KDM6B: variants seen among roughly 807,000 people sequenced by gnomAD.
The protein encoded by KDM6B is lysine demethylase 6B.
In KDM6B, 22 loss-of-function variants were observed where a neutral mutation model predicts 150.4. That is an observed-to-expected ratio of 0.15 (90% CI 0.10 to 0.21). KDM6B has a LOEUF of 0.21. Among genes scored for constraint, KDM6B ranks in the 10% least tolerant of loss-of-function variants. The probability of loss-of-function intolerance (pLI) is 1.00; values close to 1 mark genes in which losing one functional copy is unlikely to be tolerated. For synonymous variants in KDM6B, 1,148 were observed against 921.1 expected, an observed-to-expected ratio of 1.25 and a Z score of -4.46; for missense variants, 1,984 against 2,234.3, an observed-to-expected ratio of 0.89 and a Z score of 2.26.
Position 7,849,532 on chromosome 17 carries a change from C to A in KDM6B, c.3244C>A (p.Pro1082Thr), listed in dbSNP as rs1274621230. Residue 1082 changes from proline (P) to threonine (T), a missense_variant, in exon 12 of 24, where the codon CCG becomes ACG. Around this residue, in one of 13 missense-constraint regions of KDM6B, gnomAD observed 1,379 missense variants for 1,275.6 expected, o/e 1.08. Transcript: ENST00000448097. ...GGCTCGGGAGGAAGCCCCAGGGCCA[C>A]CGGGTGTCAGCCGGGCCGACATGCT... Reference protein sequence around the residue: ...KKAREEAPGPPGVSRADMLKL... With the variant: ...KKAREEAPGPTGVSRADMLKL... The A allele has an allele frequency of 6.2e-7, 1 of 1,612,748 alleles. No homozygotes were observed. The highest frequency in any genetic ancestry group is 1.1e-5 in the South Asian group (1 of 91,076).
In KDM6B at chr17:7,848,539, GTCACCA is replaced by G; in HGVS notation, c.2252_2257del (p.Val751_Thr753delinsAla). The G allele has an allele frequency of 6.3e-7, 1 of 1,589,512 alleles. No individual in the cohort carries two copies. The highest frequency in any genetic ancestry group is 8.5e-7 in the Non-Finnish European group (1 of 1,173,166). On this transcript the variant is annotated inframe_deletion, in exon 12 of 24. Transcript: ENST00000448097. ...CACCACTACTGCTCCTGCTGTCGCC[GTCACCA>G]CCACCACCACCACCACCACCACCAC...
chr17:7,848,169 C>T lies in KDM6B; in HGVS notation c.1881C>T (p.Ser627=), dbSNP rs200709343. The change falls in exon 12 of 24, where the codon AGC becomes AGT. Residue 627 remains serine, a synonymous_variant. Coordinates refer to ENST00000448097, the MANE Select transcript of KDM6B (RefSeq NM_001348716.2). ...NTSGSFRRPE[S]PRPRVSFPKT... ...CAGGAAGCTTCAGGCGCCCGGAGAG[C>T]CCCCGGCCCAGGGTCTCCTTCCCAA... is the stretch of plus-strand genomic sequence containing the variant. 2 of 1,612,516 alleles carry T rather than the reference C, an allele frequency of 1.2e-6. No homozygotes were observed. The highest frequency in any genetic ancestry group is 1.1e-5 in the South Asian group (1 of 91,070).
intron 5 of KDM6B, 29 bp from the exon 6 acceptor site, chr17:7,845,843 C>T (rs200419116): frequency 1.1e-4 from 169 of 1,603,300 alleles, no homozygotes; most frequent in Admixed American, 9.2e-4. Context: ...TCCTTTTTGC[C>T]GTATATAACA....
intron 1 of KDM6B, among the ~76,000 whole-genome samples, chr17:7,836,281 C>T (rs1159476230): frequency 6.6e-6 from 1 of 152,224 alleles, no homozygotes; most frequent in East Asian, 1.9e-4. Context: ...TCGTTCGCCC[C>T]GGCGTTCTTT....
chr17:7,835,198 G>T (rs1334980376), intron 1 of KDM6B, among the ~76,000 whole-genome samples: 1 of 152,130 alleles, frequency 6.6e-6, no homozygotes, highest in Non-Finnish European at 1.5e-5. Flanking sequence ...AGGGGGCTGG[G>T]GACTCAATCT....
intron 1 of KDM6B, among the ~76,000 whole-genome samples, chr17:7,837,470 AT>A (rs1481611801): frequency 6.6e-6 from 1 of 152,164 alleles, no homozygotes; most frequent in African/African-American, 2.4e-5. Flanking sequence ...GACTCAGTTG[AT>A]TGCTATGGTT....
Position 7,846,084 on chromosome 17 carries a change from C to T in KDM6B, c.243C>T (p.Pro81=). The T allele has an allele frequency of 1.2e-6, 2 of 1,609,978 alleles. No homozygotes were observed. The highest frequency in any genetic ancestry group is 1.1e-5 in the South Asian group (1 of 90,462). Residue 81 remains proline, a synonymous_variant, in exon 7 of 24, where the codon CCC becomes CCT. Transcript: ENST00000448097. ...PSKPYYAPGA[P]TPRPLHGKLE... ...CACCCCTTCTGCTCTGTAGGGCGCC[C>T]ACTCCAAGACCCCTCCATGGGAAGC...
chr17:7,848,985 C>A lies in KDM6B; in HGVS notation c.2697C>A (p.Pro899=), dbSNP rs956802080. 1.3e-6 allele frequency: 2 copies of A among 1,579,886 alleles called. No homozygotes were observed. The highest frequency in any genetic ancestry group is 1.3e-5 in the African/African-American group (1 of 74,328). The part of the protein sequence containing the change: ...VPGPMTPTQP[P]PPLSLPPARS... ...GCCCCATGACCCCCACCCAACCGCC[C>A]CCACCCCTATCTCTGCCCCCTGCTC... Residue 899 remains proline (P), a synonymous_variant, in exon 12 of 24, where the codon CCC becomes CCA. Transcript: ENST00000448097.
Position 7,848,986 on chromosome 17 carries a change from C to G in KDM6B, c.2698C>G (p.Pro900Ala), listed in dbSNP as rs1294265101. ...PGPMTPTQPP[P>A]PLSLPPARSE... ...CCCCATGACCCCCACCCAACCGCCC[C>G]CACCCCTATCTCTGCCCCCTGCTCG... The change falls in exon 12 of 24, where the codon CCA becomes GCA. Residue 900 changes from proline (P) to alanine (A), a missense_variant. Pro to Ala is a conservative substitution (Grantham distance 27). Transcript: ENST00000448097. 1 of 1,580,502 alleles carries G rather than the reference C, an allele frequency of 6.3e-7. No homozygotes were observed. The highest frequency in any genetic ancestry group is 8.6e-7 in the Non-Finnish European group (1 of 1,161,986).
Position 7,853,194 on chromosome 17 carries a change from G to A in KDM6B, c.4738-16G>A. ...GGCCCTCCCTCCCCCTGACTGCACT[G>A]TCCTCCCTGCCCCAGGTGGAGGTGT... On this transcript the variant is annotated splice_polypyrimidine_tract_variant and intron_variant, in intron 22 of 23. Coordinates refer to ENST00000448097, the MANE Select transcript of KDM6B (RefSeq NM_001348716.2). 1.2e-6 allele frequency: 2 copies of A among 1,613,624 alleles called. No homozygotes were observed. The highest frequency in any genetic ancestry group is 1.7e-6 in the Non-Finnish European group (2 of 1,179,852).
rs1226192117 is a variant in KDM6B, at chr17:7,842,224, C to CG, written c.-269+2206dup. On this transcript the variant is annotated intron_variant, in intron 2 of 23. Transcript: ENST00000448097. Reference sequence around the variant, plus strand: ...TTCTCTCTTGGGGCTCCAGCGGGGGCGGGGGGTAGGGGGTCGGTTAAAGTC... The same window carrying CG: ...TTCTCTCTTGGGGCTCCAGCGGGGGCGGGGGGGTAGGGGGTCGGTTAAAGTC... Among the ~76,000 whole-genome samples, 11 of 136,942 alleles carry CG rather than the reference C, an allele frequency of 8.0e-5. No homozygotes were observed. In the South Asian group the frequency reaches 1.8e-3, roughly 22 times the overall value. 89.8% of individuals were successfully genotyped at this position (136,942 alleles called of 152,430 possible).
chr17:7,846,212 A>G lies in KDM6B; in HGVS notation c.371A>G (p.Glu124Gly), dbSNP rs776912991. ...GQLYESEHDS[E>G]EATRCYHSAL... ...CTGTACGAGTCAGAGCACGATAGTGAGGAGGCCACACGCTGCTACCACAGC... is the reference window on the plus strand; with the variant it reads ...CTGTACGAGTCAGAGCACGATAGTGGGGAGGCCACACGCTGCTACCACAGC... Residue 124 changes from glutamate (E) to glycine (G), a missense_variant, in exon 7 of 24, where the codon GAG (glutamate) becomes GGG (glycine). Physicochemically the swap from Glu to Gly is moderately conservative, Grantham distance 98. This residue lies in a region of KDM6B where 337 missense variants were observed against 323.9 expected (regional missense o/e 1.04). Transcript: ENST00000448097. 2 of 1,614,146 alleles carry G rather than the reference A, an allele frequency of 1.2e-6. No homozygotes were observed. The highest frequency in any genetic ancestry group is 3.3e-5 in the Admixed American group (2 of 60,028).
intron 1 of KDM6B, among the ~76,000 whole-genome samples, chr17:7,836,440 G>A (rs897330794): frequency 2.6e-5 from 4 of 152,220 alleles, no homozygotes; most frequent in Non-Finnish European, 4.4e-5. Context: ...GGGCGGGAGA[G>A]TTGGGGACCC....
At chr17:7,836,482 A>G (rs1368400862) in intron 1 of KDM6B, among the ~76,000 whole-genome samples, 2 of 152,146 alleles carry the variant, frequency 1.3e-5, no homozygotes, top group Non-Finnish European at 1.5e-5. Flanking sequence ...CGGCTGGGGC[A>G]CGGGGGATCC....
At chr17:7,852,392 G>C in intron 20 of KDM6B, 56 bp downstream of exon 20, 1 of 1,578,378 alleles carries the variant, frequency 6.3e-7, no homozygotes, top group Non-Finnish European at 8.6e-7. Flanking sequence ...CAAGGGCCTG[G>C]GAGGCTGGGG....
In KDM6B at chr17:7,853,559, C is replaced by A; in HGVS notation, c.*38C>A. 1 of 1,384,792 alleles carries A rather than the reference C, an allele frequency of 7.2e-7. No homozygotes were observed. The highest frequency in any genetic ancestry group is 9.4e-7 in the Non-Finnish European group (1 of 1,067,732). 85.8% of individuals were successfully genotyped at this position (1,384,792 alleles called of 1,614,324 possible). A position where few individuals can be genotyped will look rare whatever the true frequency, so the allele number is the denominator to read the frequency against. ...CGCCCGCCTGCCTGCCCGCGCAAGG[C>A]GCCGCGGGGCCACCAGCACATGCCT... On this transcript the variant is annotated 3_prime_UTR_variant, in exon 24 of 24. Transcript: ENST00000448097.
intron 2 of KDM6B, among the ~76,000 whole-genome samples, chr17:7,842,538 A>C (rs2078438867): frequency 6.6e-6 from 1 of 152,026 alleles, no homozygotes; most frequent in Non-Finnish European, 1.5e-5. Context: ...AGACACCGGG[A>C]GTCAGGGAGG....
Position 7,845,362 on chromosome 17 carries a change from C to T in KDM6B, c.-100C>T. On this transcript the variant is annotated 5_prime_UTR_variant, in exon 4 of 24. Transcript: ENST00000448097. ...CAGCCATCTGGGGGTAGCGGGCACT[C>T]TTATCAGAGCGGCTGGAGCCGGACC... The T allele has an allele frequency of 8.4e-6, 6 of 712,944 alleles. No individual in the cohort carries two copies. Among genetic ancestry groups the T allele is most frequent in the Non-Finnish European group, 5.0e-6 (2 of 398,442 alleles). The allele number at this position is 712,944 out of a possible 1,614,324, so 44.2% of individuals were successfully genotyped here.
chr17:7,846,377 G>GGGGCCCCCCCCCCCCCCCC, intron 7 of KDM6B, 23 bp from the exon 8 acceptor site: 1 of 1,479,468 alleles, frequency 6.8e-7, no homozygotes, highest in Non-Finnish European at 9.1e-7. Context: ...ATCTGCCCCT[G>GGGGCCCCCCCCCCCCCCCC]CCCCGTGTCC....
Sources: allele counts gnomAD v4.1 joint callset (sites outside exome capture counted in the v4.1 genomes callset), GRCh38; gene constraint gnomAD v4.1.1; regional missense constraint gnomAD v4.1.1; transcripts MANE v1.5; gene names NCBI Gene and HGNC (gene_info 2026-07-23, HGNC 2026-07-21).